HECW2: variants seen among roughly 807,000 people sequenced by gnomAD.
HECW2 encodes the protein HECT, C2 and WW domain containing E3 ubiquitin protein ligase 2.
In HECW2, 61 loss-of-function variants were observed where a neutral mutation model predicts 175.2. That is an observed-to-expected ratio of 0.35 (90% CI 0.28 to 0.43). The LOEUF (loss-of-function observed/expected upper bound fraction) is 0.43, where lower values mean the gene tolerates loss of function less well. Among genes scored for constraint, HECW2 ranks in the 20% least tolerant of loss-of-function variants. The probability of loss-of-function intolerance (pLI) is 1.00; values close to 1 mark genes in which losing one functional copy is unlikely to be tolerated. For synonymous variants in HECW2, 671 were observed against 731.0 expected (o/e 0.92, Z 1.32); for missense variants, 1,524 against 2,000.5 (o/e 0.76, Z 4.54).
chr2:196,554,510 CCT>C (rs1689730044), intron 1 of HECW2, among the ~76,000 whole-genome samples: 1 of 152,054 alleles, frequency 6.6e-6, no homozygotes, highest in Non-Finnish European at 1.5e-5. Context: ...CAGTTGAAGC[CCT>C]GAGACCTTAA....
chr2:196,449,435 T>C (rs1247440588), intron 1 of HECW2, among the ~76,000 whole-genome samples: 6 of 152,208 alleles, frequency 3.9e-5, no homozygotes, highest in Non-Finnish European at 8.8e-5. Flanking sequence ...AATAGATAAT[T>C]AGATAATCCT....
chr2:196,292,877 T>G, intron 13 of HECW2, 127 bp from the exon 14 acceptor site: 1 of 685,290 alleles, frequency 1.5e-6, no homozygotes, highest in Non-Finnish European at 2.4e-6. Context: ...TTGACAGAAC[T>G]CTAGACCCAT....
At chr2:196,214,099 G>T (rs1310745528) in intron 28 of HECW2, among the ~76,000 whole-genome samples, 1 of 152,214 alleles carries the variant, frequency 6.6e-6, no homozygotes, top group Non-Finnish European at 1.5e-5. Context: ...GCCAGAGACA[G>T]TATTAAGTAT....
chr2:196,256,336 T>C (rs980561555), intron 18 of HECW2, among the ~76,000 whole-genome samples: 1 of 152,176 alleles, frequency 6.6e-6, no homozygotes, highest in South Asian at 2.1e-4. Flanking sequence ...CTGCTTATTT[T>C]CCCAAAGAGG....
At chr2:196,328,152 C>G (rs1220489229) in intron 5 of HECW2, among the ~76,000 whole-genome samples, 1 of 152,118 alleles carries the variant, frequency 6.6e-6, no homozygotes, top group Non-Finnish European at 1.5e-5. Flanking sequence ...TCAGGGTCGA[C>G]AAATTGTTTC....
chr2:196,526,878 C>T (rs1011676394), intron 1 of HECW2, among the ~76,000 whole-genome samples: 1 of 151,950 alleles, frequency 6.6e-6, no homozygotes, highest in South Asian at 2.1e-4. Context: ...CTGCTCTCTT[C>T]AAAGCTGTCA....
rs1482880826 is a variant in HECW2 at position 196,307,207 on chromosome 2, G to A, written c.2612C>T (p.Thr871Ile). The change falls in exon 12 of 29, where the codon ACC becomes ATC. Residue 871 changes from threonine (T) to isoleucine (I), a missense_variant. By Grantham distance (89) the Thr-to-Ile change is moderately conservative. This residue lies in a region of HECW2 where 105 missense variants were observed against 98.1 expected (regional missense o/e 1.07). Coordinates refer to ENST00000644978, the MANE Select transcript of HECW2 (RefSeq NM_001348768.2). Reference protein sequence around the residue: ...RRYQSIRRTMTNERPEENTNA... With the variant: ...RRYQSIRRTMINERPEENTNA... Reference sequence around the variant, plus strand: ...GGTATTTTCCTCAGGCCTCTCATTGGTCATGGTTCTGCGGATACTCTGATA... The same window carrying A: ...GGTATTTTCCTCAGGCCTCTCATTGATCATGGTTCTGCGGATACTCTGATA... 9 of 1,613,238 alleles carry A rather than the reference G, an allele frequency of 5.6e-6. No homozygotes were observed. Among genetic ancestry groups the A allele is most frequent in the East Asian group, 2.2e-5 (1 of 44,878 alleles).
At chr2:196,438,513 A>G (rs1182428891) in intron 1 of HECW2, among the ~76,000 whole-genome samples, 2 of 152,330 alleles carry the variant, frequency 1.3e-5, no homozygotes, top group African/African-American at 4.8e-5. Context: ...CACGTCCTCC[A>G]CAGCTACATA....
intron 22 of HECW2, among the ~76,000 whole-genome samples, chr2:196,227,241 A>ATT (rs1687882635): frequency 6.6e-6 from 1 of 152,246 alleles, no homozygotes; most frequent in Non-Finnish European, 1.5e-5. Context: ...TCATGATTCA[A>ATT]ATAAGCTTTT....
intron 2 of HECW2, among the ~76,000 whole-genome samples, chr2:196,401,486 T>C: frequency 1.3e-5 from 2 of 152,352 alleles, no homozygotes; most frequent in South Asian, 4.1e-4. Context: ...ACAATTAGTA[T>C]TATTTGAAAT....
At chr2:196,500,887 T>C (rs1233005102) in intron 1 of HECW2, among the ~76,000 whole-genome samples, 1 of 152,184 alleles carries the variant, frequency 6.6e-6, no homozygotes, top group Non-Finnish European at 1.5e-5. Context: ...CTTTAGAATC[T>C]ACAGTCAAGG....
chr2:196,221,374 G>A (rs1687664109), intron 24 of HECW2, among the ~76,000 whole-genome samples: 1 of 152,070 alleles, frequency 6.6e-6, no homozygotes, highest in Non-Finnish European at 1.5e-5. Flanking sequence ...ATGCAGAAAA[G>A]CAGCTAAAGA....
intron 26 of HECW2, 123 bp downstream of exon 26, chr2:196,219,916 C>T: frequency 1.5e-6 from 1 of 649,160 alleles, no homozygotes; most frequent in Non-Finnish European, 2.7e-6. Flanking sequence ...TCAAGGGAGC[C>T]TGCATCAGAC....
chr2:196,562,661 C>G (rs781494070), intron 1 of HECW2, among the ~76,000 whole-genome samples: 37 of 152,246 alleles, frequency 2.4e-4, no homozygotes, highest in South Asian at 2.1e-4. Context: ...GCGGGCTGTC[C>G]CAAAGTATTT....
intron 13 of HECW2, among the ~76,000 whole-genome samples, chr2:196,301,214 T>C (rs1691039102): frequency 6.6e-6 from 1 of 152,202 alleles, no homozygotes; most frequent in Non-Finnish European, 1.5e-5. Context: ...ATTGCATTCC[T>C]TTTTATGACT....
intron 1 of HECW2, among the ~76,000 whole-genome samples, chr2:196,479,298 AAAC>A (rs1686768878): frequency 6.6e-6 from 1 of 152,208 alleles, no homozygotes; most frequent in South Asian, 2.1e-4. Flanking sequence ...ATAGACATAA[AAAC>A]AACAAGGAGC....
At chr2:196,449,327 A>G (rs1420467077) in intron 1 of HECW2, among the ~76,000 whole-genome samples, 1 of 152,234 alleles carries the variant, frequency 6.6e-6, no homozygotes, top group Non-Finnish European at 1.5e-5. Context: ...TATCTAGTGC[A>G]GGGGCAGAAA....
intron 21 of HECW2, chr2:196,238,435 G>GTTTCTTTCTTTCTTTCTTTCTTTCTTTC (rs3054196): frequency 1.1e-4 from 4 of 37,938 alleles, no homozygotes; most frequent in African/African-American, 2.4e-4. Context: ...GTAGCTCAAG[G>GTTTCTTTCTTTCTTTCTTTCTTTCTTTC]TTTCTTTCTT....
At chr2:196,240,692 G>A in intron 20 of HECW2, 130 bp from the exon 21 acceptor site, 1 of 893,966 alleles carries the variant, frequency 1.1e-6, no homozygotes, top group Non-Finnish European at 1.6e-6. Context: ...TAATATCATT[G>A]CTGTCTGCAA....
Sources: gnomAD v4.1 joint callset for allele counts (sites outside exome capture counted in the v4.1 genomes callset) on GRCh38, gnomAD v4.1.1 for gene constraint, gnomAD v4.1.1 regional missense constraint, MANE v1.5 for transcripts, NCBI Gene and HGNC (gene_info 2026-07-23, HGNC 2026-07-21) for gene names.